RALGPS1: variants seen among roughly 807,000 people sequenced by gnomAD.
The protein encoded by RALGPS1 is ras-specific guanine nucleotide-releasing factor RalGPS1.
Under a neutral mutation model 78.8 loss-of-function variants are expected in RALGPS1, and 19 were observed. The ratio of observed to expected loss-of-function variants is 0.24; its 90% confidence interval spans 0.17 to 0.35. The LOEUF is 0.35. Among genes scored for constraint, RALGPS1 ranks in the 10% least tolerant of loss-of-function variants. The pLI is 1.00. For synonymous variants in RALGPS1, 228 were observed against 256.3 expected, an observed-to-expected ratio of 0.89 and a Z score of 1.06; for missense variants, 454 against 688.3, an observed-to-expected ratio of 0.66 and a Z score of 3.81.
rs111797684 is a variant in RALGPS1 at position 127,119,081 on chromosome 9, T to C, written c.611-46988T>C. ...CCCCCACTGAGCTGGGGACAGAGTT[T>C]CCTGGTGCTGATGTGGTGAGACAGT... is the stretch of plus-strand genomic sequence containing the variant. On this transcript the variant is annotated intron_variant, in intron 8 of 18. Coordinates refer to ENST00000259351, the MANE Select transcript of RALGPS1 (RefSeq NM_014636.3). Among the ~76,000 whole-genome samples the C allele has an allele frequency of 6.0e-3, 921 of 152,260 alleles. 11 individuals are homozygous for C. Among genetic ancestry groups the C allele is most frequent in the African/African-American group, 0.021 (861 of 41,546 alleles).
At chr9:127,015,657 A>AG (rs1292144642) in intron 4 of RALGPS1, among the ~76,000 whole-genome samples, 1 of 152,118 alleles carries the variant, frequency 6.6e-6, no homozygotes, top group Non-Finnish European at 1.5e-5. Flanking sequence ...AAGATGGCCT[A>AG]GGTTGCCTCT....
intron 11 of RALGPS1, among the ~76,000 whole-genome samples, chr9:127,175,595 C>G (rs928328634): frequency 2.0e-5 from 3 of 151,988 alleles, no homozygotes; most frequent in African/African-American, 7.3e-5. Context: ...ACTTCCTCCC[C>G]CTGGTTTGCG....
At position 127,219,246 on chromosome 9, in the gene RALGPS1, G is replaced by A. The variant is rs781605017; in HGVS notation, c.*477G>A. The A allele has an allele frequency of 1.4e-5, 3 of 216,872 alleles. No individual in the cohort carries two copies. The highest frequency in any genetic ancestry group is 2.8e-5 in the Non-Finnish European group (3 of 106,844). The allele number at this position is 216,872 out of a possible 1,614,324, so 13.4% of individuals were successfully genotyped here. A position where few individuals can be genotyped will look rare whatever the true frequency, so the allele number is the denominator to read the frequency against. On this transcript the variant is annotated 3_prime_UTR_variant, in exon 19 of 19. Transcript: ENST00000259351. The surrounding 1 kb of genome is among the most constrained non-coding windows in gnomAD (Gnocchi z 5.0). ...TACAACCCCGAAGCGTCCTCTGCGT[G>A]TGCGTGCTGTACGTGTGTGTGTGTG...
intron 9 of RALGPS1, 150 bp downstream of exon 9, chr9:127,166,356 A>G (rs1380454523): frequency 1.1e-6 from 1 of 946,844 alleles, no homozygotes; most frequent in Non-Finnish European, 1.6e-6. Context: ...CCTTTTATAC[A>G]TAGGTTTGAT....
At chr9:127,197,945 G>A (rs2061429506) in intron 13 of RALGPS1, among the ~76,000 whole-genome samples, 1 of 152,186 alleles carries the variant, frequency 6.6e-6, no homozygotes, top group South Asian at 2.1e-4. Flanking sequence ...ATGCCCTCTG[G>A]GAAATGCCGG....
chr9:126,934,997 A>C (rs2036129253), intron 1 of RALGPS1, among the ~76,000 whole-genome samples: 3 of 152,130 alleles, frequency 2.0e-5, no homozygotes, highest in African/African-American at 7.2e-5. Context: ...GTCTTTAAGG[A>C]ACTACGAACT....
intron 1 of RALGPS1, among the ~76,000 whole-genome samples, chr9:126,941,608 T>G (rs1426294157): frequency 6.6e-6 from 1 of 152,218 alleles, no homozygotes; most frequent in Admixed American, 6.5e-5. Flanking sequence ...TTTCCCCCAC[T>G]AGAATATACT....
At chr9:126,945,748 C>G (rs2037200572) in intron 1 of RALGPS1, among the ~76,000 whole-genome samples, 1 of 152,156 alleles carries the variant, frequency 6.6e-6, no homozygotes, top group Non-Finnish European at 1.5e-5. Context: ...AGGTCTCATC[C>G]CAAGTGGTTC....
chr9:127,087,947 G>A (rs1358008513), intron 8 of RALGPS1: 1 of 152,630 alleles, frequency 6.6e-6, no homozygotes, highest in African/African-American at 2.4e-5. Flanking sequence ...AAAACTGCGA[G>A]TACATTATCT....
chr9:127,113,745 G>A (rs551369575), intron 8 of RALGPS1, among the ~76,000 whole-genome samples: 13 of 152,220 alleles, frequency 8.5e-5, no homozygotes, highest in Non-Finnish European at 1.5e-4. Context: ...ACTGTGCCAC[G>A]TGACAGCCTT....
At chr9:126,968,611 G>A (rs1475737893) in intron 3 of RALGPS1, among the ~76,000 whole-genome samples, 1 of 152,164 alleles carries the variant, frequency 6.6e-6, no homozygotes, top group Non-Finnish European at 1.5e-5. Flanking sequence ...TTACTGATAA[G>A]CGAGTCAACA....
intron 14 of RALGPS1, among the ~76,000 whole-genome samples, chr9:127,200,232 G>A (rs553176035): frequency 3.3e-5 from 5 of 152,328 alleles, no homozygotes; most frequent in South Asian, 4.1e-4. Context: ...CCAGAGAGAC[G>A]ATAAGTGCTG....
chr9:127,081,915 C>T lies in RALGPS1; in HGVS notation c.610+12559C>T, dbSNP rs372406582. ...CCACGCAGATGGGAGAGATTGTCTG[C>T]GTCTGGGCTCCCAGTGTGGGCTGAG... On this transcript the variant is annotated intron_variant, in intron 8 of 18. Transcript: ENST00000259351. 3.9e-4 allele frequency among the ~76,000 whole-genome samples: 59 copies of T among 152,366 alleles called. 1 individual carries two copies. In the South Asian group the frequency reaches 0.012, roughly 30 times the overall value.
At chr9:127,049,684 C>A (rs1250964811) in intron 5 of RALGPS1, among the ~76,000 whole-genome samples, 4 of 152,202 alleles carry the variant, frequency 2.6e-5, no homozygotes, top group Non-Finnish European at 5.9e-5. Context: ...TCTATGATCT[C>A]CCCACAACTG....
intron 8 of RALGPS1, among the ~76,000 whole-genome samples, chr9:127,079,363 A>G (rs1411409552): frequency 6.6e-6 from 1 of 152,240 alleles, no homozygotes; most frequent in Non-Finnish European, 1.5e-5. Flanking sequence ...ACCTGGAGCC[A>G]TTGGGATGTT....
intron 4 of RALGPS1, among the ~76,000 whole-genome samples, chr9:127,004,452 A>G (rs1243730214): frequency 1.3e-5 from 2 of 152,226 alleles, no homozygotes; most frequent in Non-Finnish European, 2.9e-5. Flanking sequence ...TTTGAAAACA[A>G]TCTTCTGTGG....
At chr9:127,098,906 C>G (rs867848480) in intron 8 of RALGPS1, among the ~76,000 whole-genome samples, 1 of 152,220 alleles carries the variant, frequency 6.6e-6, no homozygotes, top group African/African-American at 2.4e-5. Context: ...CGTCCAGGCC[C>G]TAGTGGAGAA....
At chr9:126,965,794 A>G (rs1209449884) in intron 2 of RALGPS1, 50 bp from the exon 3 acceptor site, 1 of 1,426,272 alleles carries the variant, frequency 7.0e-7, no homozygotes. Flanking sequence ...GGAGGCAATG[A>G]TTCCACGTCA....
At chr9:127,034,860 T>C (rs1226714084) in intron 5 of RALGPS1, among the ~76,000 whole-genome samples, 1 of 152,170 alleles carries the variant, frequency 6.6e-6, no homozygotes, top group African/African-American at 2.4e-5. Flanking sequence ...CTGGCCTTCC[T>C]TCTCTTACTG....
Sources: allele counts gnomAD v4.1 joint callset (sites outside exome capture counted in the v4.1 genomes callset), GRCh38; gene constraint gnomAD v4.1.1; non-coding constraint Gnocchi (gnomAD v3.1); transcripts MANE v1.5; gene names NCBI Gene and HGNC (gene_info 2026-07-23, HGNC 2026-07-21).